Variants in PKP1 observed in about 807,000 individuals in gnomAD.
PKP1 encodes the protein plakophilin 1.
PKP1 carries 27 observed loss-of-function variants against 76.4 expected under a neutral mutation model. That is an observed-to-expected ratio of 0.35 (90% CI 0.26 to 0.49). PKP1 has a LOEUF of 0.49. PKP1 is among the 20% of genes least tolerant of loss of function. The pLI is 0.99. For synonymous variants in PKP1, 404 were observed against 384.2 expected, an observed-to-expected ratio of 1.05 and a Z score of -0.60; for missense variants, 964 against 955.2, an observed-to-expected ratio of 1.01 and a Z score of -0.12.
intron 12 of PKP1, among the ~76,000 whole-genome samples, chr1:201,327,246 T>G (rs969855830): frequency 4.0e-5 from 6 of 150,844 alleles, no homozygotes; most frequent in African/African-American, 9.8e-5. Flanking sequence ...GGAGAGGGAG[T>G]AGGCAAAGAA....
At chr1:201,314,687 A>G (rs1372099398) in intron 3 of PKP1, among the ~76,000 whole-genome samples, 2 of 152,158 alleles carry the variant, frequency 1.3e-5, no homozygotes, top group Non-Finnish European at 2.9e-5. Flanking sequence ...GGCTCCCTGA[A>G]CCTTTGAACT....
chr1:201,322,787 G>C (rs1215565494), intron 8 of PKP1, among the ~76,000 whole-genome samples: 3 of 152,206 alleles, frequency 2.0e-5, no homozygotes, highest in Non-Finnish European at 4.4e-5. Flanking sequence ...TCCTGGGACA[G>C]TCTGGGGGAC....
chr1:201,330,746 A>T lies in PKP1; in HGVS notation c.*705A>T, dbSNP rs1657295123. On this transcript the variant is annotated 3_prime_UTR_variant, in exon 14 of 14. Transcript: ENST00000367324. ...GTAATGTCACCCCTCCAGCAGCGCC[A>T]CAAGGACTGAGGTTGGGTAGGTGTG... 3 of 152,288 alleles carry T rather than the reference A, an allele frequency of 2.0e-5. No homozygotes were observed. The highest frequency in any genetic ancestry group is 6.5e-5 in the Admixed American group (1 of 15,282). 9.4% of individuals were successfully genotyped at this position (152,288 alleles called of 1,614,324 possible).
chr1:201,328,118 C>T (rs143767810), intron 12 of PKP1, among the ~76,000 whole-genome samples: 28 of 152,312 alleles, frequency 1.8e-4, no homozygotes, highest in African/African-American at 6.5e-4. Context: ...TTTTCAAGGG[C>T]ACCTTGGCCT....
intron 2 of PKP1, among the ~76,000 whole-genome samples, chr1:201,312,581 G>A (rs1224234348): frequency 6.6e-6 from 1 of 152,224 alleles, no homozygotes; most frequent in Middle Eastern, 3.2e-3. Context: ...GGTGCCGACA[G>A]CACCCACGTA....
chr1:201,292,105 G>A (rs1249579661), intron 1 of PKP1, among the ~76,000 whole-genome samples: 2 of 152,218 alleles, frequency 1.3e-5, no homozygotes, highest in South Asian at 2.1e-4. Context: ...GAGTATAGGG[G>A]AGGCCTCTCA....
intron 1 of PKP1, among the ~76,000 whole-genome samples, chr1:201,291,068 C>A (rs1270038767): frequency 6.6e-6 from 1 of 152,166 alleles, no homozygotes; most frequent in Non-Finnish European, 1.5e-5. Flanking sequence ...CAGAGCACAC[C>A]TGCCCCCAGT....
At chr1:201,296,134 C>A (rs1345412308) in intron 2 of PKP1, among the ~76,000 whole-genome samples, 2 of 152,168 alleles carry the variant, frequency 1.3e-5, no homozygotes, top group Non-Finnish European at 2.9e-5. Context: ...CACGTCCCAT[C>A]TCCTTTCAGT....
rs901496167 is a variant in PKP1, at chr1:201,322,194, C to T, written c.1503+61C>T. The T allele has an allele frequency of 3.8e-6, 6 of 1,558,558 alleles. No homozygotes were observed. The African/African-American group carries it at 6.8e-5, about 18-fold the overall frequency. On this transcript the variant is annotated intron_variant, in intron 8 of 13. Coordinates refer to ENST00000367324, the MANE Select transcript of PKP1 (RefSeq NM_001005337.3). The stretch of plus-strand genomic sequence containing the variant: ...TCAAGCACCCCCCCAGGAGCCACTG[C>T]CTCATCTGCCCTTTCCTCTGGGCCC...
At chr1:201,288,323 GCC>G (rs1195853821) in intron 1 of PKP1, among the ~76,000 whole-genome samples, 1 of 152,208 alleles carries the variant, frequency 6.6e-6, no homozygotes, top group African/African-American at 2.4e-5. Context: ...CTTAAGGCAT[GCC>G]ACTCATCGTG....
intron 3 of PKP1, chr1:201,316,117 C>CGGACGGAT (rs1310818473): frequency 2.8e-5 from 1 of 36,098 alleles, no homozygotes; most frequent in African/African-American, 6.2e-5. Flanking sequence ...GATGGATGGA[C>CGGACGGAT]GGATGGACGG....
chr1:201,283,912 C>T lies in PKP1; in HGVS notation c.202+8C>T, dbSNP rs1469283081. ...TGAGCCACTCCAATCGAGGTAAAGG[C>T]TCGGCCCCCGCGTGGTCCGTGCGCC... is the stretch of plus-strand genomic sequence containing the variant. On this transcript the variant is annotated splice_region_variant and intron_variant, in intron 1 of 13. Transcript: ENST00000367324. The T allele has an allele frequency of 1.2e-6, 2 of 1,613,366 alleles. No individual in the cohort carries two copies. Among genetic ancestry groups the T allele is most frequent in the East Asian group, 2.2e-5 (1 of 44,866 alleles).
At chr1:201,320,599 G>T (rs562921287) in intron 7 of PKP1, among the ~76,000 whole-genome samples, 3 of 152,348 alleles carry the variant, frequency 2.0e-5, no homozygotes, top group African/African-American at 7.2e-5. Context: ...TGGAGTAGAT[G>T]CAGCTGCTTC....
rs369928249 is a variant in PKP1 at position 201,318,746 on chromosome 1, C to T, written c.1183C>T (p.Arg395Trp). 2.5e-6 allele frequency: 4 copies of T among 1,611,162 alleles called. No homozygotes were observed. The highest frequency in any genetic ancestry group is 2.2e-5 in the South Asian group (2 of 90,754). Residue 395 changes from arginine (R) to tryptophan (W), a missense_variant, in exon 6 of 14, where the codon CGG becomes TGG. Physicochemically the swap from Arg to Trp is moderately radical, Grantham distance 101. Transcript: ENST00000367324. ...GWCDGNSNMSREVVDPEVFFN... is the reference protein window; with the variant it reads ...GWCDGNSNMSWEVVDPEVFFN... ...GTGCGATGGCAATAGCAACATGTCCCGGGAAGTGGTGGACCCTGAGGTCTT... is the reference window on the plus strand; with the variant it reads ...GTGCGATGGCAATAGCAACATGTCCTGGGAAGTGGTGGACCCTGAGGTCTT...
At chr1:201,312,812 T>G (rs1571553577) in intron 2 of PKP1, among the ~76,000 whole-genome samples, 1 of 152,168 alleles carries the variant, frequency 6.6e-6, no homozygotes, top group South Asian at 2.1e-4. Flanking sequence ...CTCCTTTAGG[T>G]ATGTCACGTA....
Position 201,301,338 on chromosome 1 carries a change from TGTCTGCAGGAAGGAA to T in PKP1, c.306+7294_306+7308del, listed in dbSNP as rs369112040. ...GATCAGCAGCGGATCCTTCTCAGGA[TGTCTGCAGGAAGGAA>T]CTCCACTCTCCCCAGAGACAACAGA... On this transcript the variant is annotated intron_variant, in intron 2 of 13. Transcript: ENST00000367324. 5.0e-3 allele frequency among the ~76,000 whole-genome samples: 761 copies of T among 152,340 alleles called. 7 individuals carry two copies. Among genetic ancestry groups the T allele is most frequent in the African/African-American group, 0.017 (707 of 41,576 alleles).
At chr1:201,328,696 G>A in intron 12 of PKP1, 66 bp from the exon 13 acceptor site, 1 of 1,429,864 alleles carries the variant, frequency 7.0e-7, no homozygotes, top group South Asian at 1.1e-5. Flanking sequence ...GCAGTGGACA[G>A]TGTCTGACCC....
In PKP1 at chr1:201,318,562, G is replaced by T. The variant is rs986645168; in HGVS notation, c.1055-56G>T. The T allele has an allele frequency of 2.6e-6, 4 of 1,532,692 alleles. No individual in the cohort carries two copies. In the Admixed American group the frequency reaches 6.7e-5, roughly 26 times the overall value. 94.9% of individuals were successfully genotyped at this position (1,532,692 alleles called of 1,614,324 possible). On this transcript the variant is annotated intron_variant, in intron 5 of 13. Transcript: ENST00000367324. ...AGTCCAGGCTGGGGCTGTTACCTCG[G>T]TCCCTAGGGCATCCTGAGCCTGGCA...
At chr1:201,319,769 G>T (rs1347826594) in intron 6 of PKP1, 2 of 1,602,780 alleles carry the variant, frequency 1.2e-6, no homozygotes, top group East Asian at 4.5e-5. Context: ...GCCACCCCCA[G>T]ATCCACTTCT....
Sources: allele counts gnomAD v4.1 joint callset (sites outside exome capture counted in the v4.1 genomes callset), GRCh38; gene constraint gnomAD v4.1.1; transcripts MANE v1.5; gene names NCBI Gene and HGNC (gene_info 2026-07-23, HGNC 2026-07-21).